Variants in UCK2 observed in about 807,000 individuals in gnomAD.
UCK2 encodes the protein uridine-cytidine kinase 2, also known as cytidine monophosphokinase 2.
A neutral mutation model predicts 30.8 loss-of-function variants in UCK2; 6 were observed. The ratio of observed to expected loss-of-function variants is 0.19; its 90% CI spans 0.11 to 0.38. UCK2 has a LOEUF of 0.38. Ranked by LOEUF, UCK2 falls within the 10% of genes least tolerant of loss-of-function variation. The pLI is 1.00. For missense variants in UCK2, 210 were observed against 339.8 expected (o/e 0.62, Z 3.00); for synonymous variants, 125 against 133.6 (o/e 0.94, Z 0.45).
Position 165,827,943 on chromosome 1 carries a change from G to A in UCK2, c.99+11G>A. 2 of 1,347,928 alleles carry A rather than the reference G, an allele frequency of 1.5e-6. No individual in the cohort carries two copies. The highest frequency in any genetic ancestry group is 3.3e-5 in the Admixed American group (1 of 30,476). The allele number at this position is 1,347,928 out of a possible 1,614,324, so 83.5% of individuals were successfully genotyped here. ...ACAGCTAGCGGCAAGGTACGGCGGG[G>A]CCCGGAGCCGCGCTCCCTTCCCGGC... On this transcript the variant is annotated intron_variant, in intron 1 of 6. Transcript: ENST00000367879.
At chr1:165,858,663 C>G (rs975812433) in intron 1 of UCK2, among the ~76,000 whole-genome samples, 3 of 151,928 alleles carry the variant, frequency 2.0e-5, no homozygotes, top group South Asian at 2.1e-4. Flanking sequence ...GTACTCGTCC[C>G]TTAGCCCAGG....
chr1:165,873,817 A>G (rs1239374172), intron 1 of UCK2, among the ~76,000 whole-genome samples: 3 of 151,612 alleles, frequency 2.0e-5, no homozygotes, highest in African/African-American at 7.3e-5. Context: ...ATTTCTTTCA[A>G]ACCATTCTCC....
chr1:165,862,742 A>G (rs1654950489), intron 1 of UCK2, among the ~76,000 whole-genome samples: 1 of 152,166 alleles, frequency 6.6e-6, no homozygotes, highest in Admixed American at 6.5e-5. Flanking sequence ...CCTTTACAAG[A>G]CACTTAAACC....
intron 1 of UCK2, among the ~76,000 whole-genome samples, chr1:165,877,216 T>G (rs1191210472): frequency 6.6e-6 from 1 of 152,176 alleles, no homozygotes; most frequent in Non-Finnish European, 1.5e-5. Flanking sequence ...GCTATACCTC[T>G]GGGATAAATA....
chr1:165,849,763 C>T lies in UCK2; in HGVS notation c.99+21831C>T, dbSNP rs146858802. Among the ~76,000 whole-genome samples the T allele has an allele frequency of 8.3e-3, 1,264 of 152,196 alleles. 18 individuals are homozygous for T. The highest frequency in any genetic ancestry group is 0.028 in the African/African-American group (1,170 of 41,512). ...TGGAAAACCTGCGAAAATGGAGAAG[C>T]TCATTTTAGGCAGGAAAAATCTGTC... On this transcript the variant is annotated intron_variant, in intron 1 of 6. Coordinates refer to ENST00000367879, the MANE Select transcript of UCK2 (RefSeq NM_012474.5).
At chr1:165,839,520 C>A (rs1274159292) in intron 1 of UCK2, among the ~76,000 whole-genome samples, 2 of 152,008 alleles carry the variant, frequency 1.3e-5, no homozygotes, top group South Asian at 2.1e-4. Flanking sequence ...CTTGCTGGGT[C>A]TTGGTGGAGT....
At chr1:165,891,548 A>C in intron 3 of UCK2, 1 of 481,634 alleles carries the variant, frequency 2.1e-6, no homozygotes, top group African/African-American at 1.9e-5. Flanking sequence ...TCCTGTTGTC[A>C]CGATTCCTTA....
chr1:165,856,284 A>T (rs1388663647), intron 1 of UCK2, among the ~76,000 whole-genome samples: 1 of 152,032 alleles, frequency 6.6e-6, no homozygotes, highest in Non-Finnish European at 1.5e-5. Context: ...TAGTAAGCTG[A>T]GTGGGGCCCA....
intron 1 of UCK2, among the ~76,000 whole-genome samples, chr1:165,838,018 C>T (rs565522438): frequency 2.0e-5 from 3 of 152,300 alleles, no homozygotes; most frequent in East Asian, 1.9e-4. Context: ...AGAGTGTTGA[C>T]GTTGGACTGT....
intron 1 of UCK2, among the ~76,000 whole-genome samples, chr1:165,885,706 G>C (rs889269990): frequency 8.5e-5 from 13 of 152,192 alleles, no homozygotes; most frequent in African/African-American, 3.1e-4. Flanking sequence ...GGAGATGGAC[G>C]GCTAGAGTGG....
intron 6 of UCK2, among the ~76,000 whole-genome samples, chr1:165,906,509 G>A (rs1246524651): frequency 6.6e-6 from 1 of 152,178 alleles, no homozygotes; most frequent in African/African-American, 2.4e-5. Flanking sequence ...TGGGACTACA[G>A]GCTTGCACCA....
chr1:165,849,724 G>A (rs1654542462), intron 1 of UCK2, among the ~76,000 whole-genome samples: 2 of 152,190 alleles, frequency 1.3e-5, no homozygotes, highest in African/African-American at 4.8e-5. Flanking sequence ...GAGAGTGATT[G>A]TAGTGAGGGA....
At chr1:165,828,142 G>T (rs1281983594) in intron 1 of UCK2, among the ~76,000 whole-genome samples, 2 of 151,802 alleles carry the variant, frequency 1.3e-5, no homozygotes, top group African/African-American at 4.8e-5. Flanking sequence ...GGGGGTTCCG[G>T]GGGTACGCGG....
At chr1:165,889,865 C>T (rs1440854644) in intron 1 of UCK2, among the ~76,000 whole-genome samples, 1 of 151,998 alleles carries the variant, frequency 6.6e-6, no homozygotes, top group Admixed American at 6.5e-5. Context: ...CCAGCAGGCC[C>T]CAGTGTGTGT....
intron 1 of UCK2, among the ~76,000 whole-genome samples, chr1:165,887,832 T>A (rs1655658712): frequency 6.6e-6 from 1 of 152,194 alleles, no homozygotes; most frequent in South Asian, 2.1e-4. Context: ...ATTTTCACTT[T>A]TGAATCTAGT....
chr1:165,864,315 G>A (rs1384498831), intron 1 of UCK2, among the ~76,000 whole-genome samples: 2 of 152,180 alleles, frequency 1.3e-5, no homozygotes, highest in Non-Finnish European at 2.9e-5. Flanking sequence ...CCACCTCTTT[G>A]TGCCTTCTTT....
At chr1:165,864,238 G>A (rs954995682) in intron 1 of UCK2, among the ~76,000 whole-genome samples, 1 of 152,140 alleles carries the variant, frequency 6.6e-6, no homozygotes, top group Non-Finnish European at 1.5e-5. Flanking sequence ...ATGAGCCACC[G>A]CGCCCAGCCG....
At chr1:165,868,845 G>A (rs574001041) in intron 1 of UCK2, among the ~76,000 whole-genome samples, 1 of 152,236 alleles carries the variant, frequency 6.6e-6, no homozygotes, top group South Asian at 2.1e-4. Context: ...TTCACATCTT[G>A]GCTGACTCCT....
rs766518631 is a variant in UCK2, at chr1:165,896,270, G to A, written c.437G>A (p.Arg146Gln). ...GILAFYSQEV[R>Q]DLFQMKLFVD... is the part of the protein sequence containing the mutation. ...CTGGCCTTCTACTCCCAGGAGGTAC[G>A]AGACCTGTTCCAGATGAAGCTTTTT... The change falls in exon 4 of 7, where the codon CGA becomes CAA. Residue 146 changes from arginine (R) to glutamine (Q), a missense_variant. This residue lies in a region of UCK2 where 47 missense variants were observed against 128.7 expected (regional missense o/e 0.37). Coordinates refer to ENST00000367879, the MANE Select transcript of UCK2 (RefSeq NM_012474.5). 1.2e-6 allele frequency: 2 copies of A among 1,614,232 alleles called. No homozygotes were observed. Among genetic ancestry groups the A allele is most frequent in the Non-Finnish European group, 1.7e-6 (2 of 1,180,036 alleles).
Sources: allele counts gnomAD v4.1 joint callset (sites outside exome capture counted in the v4.1 genomes callset), GRCh38; gene constraint gnomAD v4.1.1; regional missense constraint gnomAD v4.1.1; transcripts MANE v1.5; gene names NCBI Gene and HGNC (gene_info 2026-07-23, HGNC 2026-07-21).